GRM7: variants seen among roughly 807,000 people sequenced by gnomAD.
GRM7 encodes glutamate metabotropic receptor 7.
Under a neutral mutation model 84.5 loss-of-function variants are expected in GRM7, and 35 were observed. The observed-to-expected ratio is 0.41, with a 90% CI of 0.32 to 0.55. GRM7 has a LOEUF of 0.55. Ranked by LOEUF, GRM7 falls within the 20% of genes least tolerant of loss-of-function variation. The probability of loss-of-function intolerance (pLI) is 0.19; values close to 1 mark genes in which losing one functional copy is unlikely to be tolerated. For synonymous variants in GRM7, 487 were observed against 455.1 expected (o/e 1.07, Z -0.89); for missense variants, 1,003 against 1,194.6 (o/e 0.84, Z 2.36).
intron 1 of GRM7, among the ~76,000 whole-genome samples, chr3:7,120,537 T>C (rs1693182599): frequency 6.6e-6 from 1 of 152,188 alleles, no homozygotes; most frequent in African/African-American, 2.4e-5. Flanking sequence ...CACAGTGAGA[T>C]CCATGTAATA....
At chr3:7,200,697 T>G (rs2125113264) in intron 2 of GRM7, among the ~76,000 whole-genome samples, 1 of 152,234 alleles carries the variant, frequency 6.6e-6, no homozygotes, top group Non-Finnish European at 1.5e-5. Flanking sequence ...AGTTCCCCAG[T>G]GATAATGACG....
intron 1 of GRM7, among the ~76,000 whole-genome samples, chr3:6,887,091 A>G (rs569952245): frequency 6.6e-6 from 1 of 152,024 alleles, no homozygotes; most frequent in African/African-American, 2.4e-5. Flanking sequence ...TTTTCACTTT[A>G]TGAGTCTTGT....
At chr3:7,705,062 G>C (rs899130858) in intron 9 of GRM7, among the ~76,000 whole-genome samples, 2 of 152,044 alleles carry the variant, frequency 1.3e-5, no homozygotes, top group Non-Finnish European at 2.9e-5. Flanking sequence ...TTGACTTGCT[G>C]TGCCAAGGTC....
intron 7 of GRM7, among the ~76,000 whole-genome samples, chr3:7,538,712 T>C (rs991132824): frequency 4.0e-5 from 6 of 151,330 alleles, no homozygotes; most frequent in Non-Finnish European, 7.4e-5. Context: ...CAAAAAAAAA[T>C]GATAAAAAGC....
chr3:6,911,961 G>A (rs1037904886), intron 1 of GRM7, among the ~76,000 whole-genome samples: 3 of 152,088 alleles, frequency 2.0e-5, no homozygotes, highest in Non-Finnish European at 4.4e-5. Context: ...AAAATGATTC[G>A]GTAATTAAGT....
At chr3:7,301,458 G>T (rs1699998761) in intron 3 of GRM7, among the ~76,000 whole-genome samples, 1 of 151,846 alleles carries the variant, frequency 6.6e-6, no homozygotes, top group Middle Eastern at 3.2e-3. Context: ...TTACACTTTT[G>T]CTAAATATGT....
intron 1 of GRM7, among the ~76,000 whole-genome samples, chr3:6,956,983 G>A (rs765945390): frequency 1.3e-5 from 2 of 152,136 alleles, no homozygotes; most frequent in Non-Finnish European, 2.9e-5. Context: ...ACATCATGCT[G>A]AATATCTAAA....
intron 1 of GRM7, among the ~76,000 whole-genome samples, chr3:6,973,743 G>C (rs1283281679): frequency 6.6e-6 from 1 of 152,178 alleles, no homozygotes; most frequent in East Asian, 1.9e-4. Flanking sequence ...TATTCAAAGA[G>C]CAGCAAGGAA....
At chr3:7,312,269 G>C (rs1446637024) in intron 4 of GRM7, among the ~76,000 whole-genome samples, 1 of 152,138 alleles carries the variant, frequency 6.6e-6, no homozygotes, top group East Asian at 1.9e-4. Context: ...TGTCTTGGCA[G>C]CAATGCAAAG....
At chr3:6,984,234 A>G (rs1694314182) in intron 1 of GRM7, among the ~76,000 whole-genome samples, 1 of 152,220 alleles carries the variant, frequency 6.6e-6, no homozygotes, top group Non-Finnish European at 1.5e-5. Flanking sequence ...GATGAGCTGT[A>G]AAGTCATGAG....
Position 6,861,868 on chromosome 3 carries a change from G to C in GRM7, c.480G>C (p.Ser160=). The C allele has an allele frequency of 6.2e-7, 1 of 1,613,802 alleles. No individual in the cohort carries two copies. The highest frequency in any genetic ancestry group is 8.5e-7 in the Non-Finnish European group (1 of 1,179,884). The part of the protein sequence containing the change: ...VVGVIGASGS[S]VSIMVANILR... ...GAGTGATTGGGGCTTCGGGGAGTTC[G>C]GTCTCCATCATGGTAGCCAACATCC... Residue 160 remains serine, a synonymous_variant, in exon 1 of 10, where the codon TCG becomes TCC. Transcript: ENST00000357716. This position sits in a 1 kb window ranked among gnomAD's most constrained non-coding sequence, Gnocchi z 6.4.
chr3:6,916,711 C>G (rs1300735601), intron 1 of GRM7, among the ~76,000 whole-genome samples: 2 of 152,134 alleles, frequency 1.3e-5, no homozygotes, highest in Non-Finnish European at 2.9e-5. Flanking sequence ...AAAGACCCTA[C>G]CTATTGGACT....
chr3:7,200,527 C>T (rs1020177695), intron 2 of GRM7, among the ~76,000 whole-genome samples: 19 of 152,164 alleles, frequency 1.2e-4, no homozygotes, highest in South Asian at 2.1e-4. Flanking sequence ...TCCCAGATGA[C>T]GCCAAAGCAT....
chr3:7,258,088 G>A (rs551655631), intron 2 of GRM7, among the ~76,000 whole-genome samples: 18 of 152,210 alleles, frequency 1.2e-4, no homozygotes, highest in African/African-American at 4.1e-4. Context: ...GCCCAGAGAA[G>A]TACAGTAGCA....
chr3:7,327,884 A>G (rs1201563038), intron 4 of GRM7, among the ~76,000 whole-genome samples: 2 of 152,230 alleles, frequency 1.3e-5, no homozygotes, highest in East Asian at 1.9e-4. Context: ...GCAGGATGCT[A>G]TTCTAAATAA....
At chr3:7,417,556 G>C (rs999852900) in intron 5 of GRM7, among the ~76,000 whole-genome samples, 12 of 152,132 alleles carry the variant, frequency 7.9e-5, no homozygotes, top group African/African-American at 1.9e-4. Flanking sequence ...ACTAGAACAG[G>C]CATGTTAGAA....
At chr3:7,307,626 A>G (rs1232604198) in intron 4 of GRM7, among the ~76,000 whole-genome samples, 1 of 152,186 alleles carries the variant, frequency 6.6e-6, no homozygotes, top group African/African-American at 2.4e-5. Context: ...GGAGATAAAA[A>G]TCTCATGAGT....
intron 1 of GRM7, among the ~76,000 whole-genome samples, chr3:7,105,852 A>G (rs1388769799): frequency 6.6e-6 from 1 of 151,862 alleles, no homozygotes; most frequent in African/African-American, 2.4e-5. Context: ...TTGAATGTAC[A>G]CAATAATATG....
chr3:6,913,548 A>C, intron 1 of GRM7, among the ~76,000 whole-genome samples: 1 of 152,128 alleles, frequency 6.6e-6, no homozygotes, highest in East Asian at 1.9e-4. Flanking sequence ...ATCTTTTTCT[A>C]GTTCTTGGTT....
Sources: gnomAD v4.1 joint callset for allele counts (sites outside exome capture counted in the v4.1 genomes callset) on GRCh38, gnomAD v4.1.1 for gene constraint, Gnocchi (gnomAD v3.1) non-coding constraint, MANE v1.5 for transcripts, NCBI Gene and HGNC (gene_info 2026-07-23, HGNC 2026-07-21) for gene names.